LCORL: variants seen among roughly 807,000 people sequenced by gnomAD.
LCORL encodes the protein ligand dependent nuclear receptor corepressor like, also known as ligand-dependent nuclear receptor corepressor-like protein.
A neutral mutation model predicts 141.8 loss-of-function variants in LCORL; 41 were observed. The observed-to-expected ratio is 0.29, with a 90% confidence interval of 0.23 to 0.38. The LOEUF is 0.38. LCORL is among the 10% of genes least tolerant of loss of function. The probability of loss-of-function intolerance (pLI) is 1.00; values close to 1 mark genes in which losing one functional copy is unlikely to be tolerated. For missense variants in LCORL, 1,759 were observed against 2,035.0 expected (o/e 0.86, Z 2.61); for synonymous variants, 618 against 694.1 (o/e 0.89, Z 1.72).
At chr4:17,862,319 T>G (rs1725106216) in intron 7 of LCORL, among the ~76,000 whole-genome samples, 1 of 152,176 alleles carries the variant, frequency 6.6e-6, no homozygotes. Flanking sequence ...GCAGGAAAAC[T>G]TCCCCTTATA....
chr4:18,012,747 T>C (rs1044958215), intron 1 of LCORL, among the ~76,000 whole-genome samples: 4 of 152,210 alleles, frequency 2.6e-5, no homozygotes, highest in Non-Finnish European at 4.4e-5. Context: ...CTTTATCTAA[T>C]ATATTTGCCT....
exon 7 of LCORL, chr4:17,874,157 T>C: frequency 4.1e-6 from 5 of 1,233,976 alleles, no homozygotes; most frequent in Non-Finnish European, 5.1e-6. Context: ...TGTGCAGCTT[T>C]CCCTCTCTTT....
chr4:17,907,707 C>T lies in LCORL; in HGVS notation c.682+1387G>A, dbSNP rs183054216. On this transcript the variant is annotated intron_variant, in intron 5 of 7. Transcript: ENST00000635767. ...ATATCATAAAAATAACACAGGGAAC[C>T]CCCCCACCGGCTTTTTAAAGCTCAT... Among the ~76,000 whole-genome samples, 19 of 152,098 alleles carry T rather than the reference C, an allele frequency of 1.2e-4. No homozygotes were observed. In the East Asian group the frequency reaches 3.7e-3, roughly 29 times the overall value.
At chr4:17,920,338 CAG>C (rs1734089190) in intron 4 of LCORL, among the ~76,000 whole-genome samples, 1 of 152,206 alleles carries the variant, frequency 6.6e-6, no homozygotes, top group Non-Finnish European at 1.5e-5. Flanking sequence ...CAGACATTGA[CAG>C]AGTTTTTCCT....
rs370269266 is a variant in LCORL at position 17,850,770 on chromosome 4, A to G, written c.5603-4869T>C. On this transcript the variant is annotated intron_variant, in intron 7 of 7. Transcript: ENST00000635767. ...AAATACCATTTGACCCAGCCATCCCATTACTGGATATATACCCAAAGGATT... is the reference window on the plus strand; with the variant it reads ...AAATACCATTTGACCCAGCCATCCCGTTACTGGATATATACCCAAAGGATT... 2.0e-5 allele frequency among the ~76,000 whole-genome samples: 3 copies of G among 152,066 alleles called. No individual in the cohort carries two copies. In the East Asian group the frequency reaches 5.8e-4, roughly 29 times the overall value.
intron 1 of LCORL, among the ~76,000 whole-genome samples, chr4:17,987,805 A>G (rs538903473): frequency 1.3e-5 from 2 of 152,174 alleles, no homozygotes; most frequent in East Asian, 3.9e-4. Flanking sequence ...TGTCTATTCA[A>G]ATTTTTTGCC....
intron 1 of LCORL, among the ~76,000 whole-genome samples, chr4:18,000,635 T>A (rs1236294499): frequency 5.3e-5 from 8 of 152,188 alleles, no homozygotes; most frequent in Non-Finnish European, 7.4e-5. Flanking sequence ...ATGAATTACA[T>A]AAAATACTGA....
chr4:17,901,108 A>T (rs546980109), intron 5 of LCORL, among the ~76,000 whole-genome samples: 1 of 152,160 alleles, frequency 6.6e-6, no homozygotes, highest in Non-Finnish European at 1.5e-5. Context: ...AGGACAGAAC[A>T]TTATTCTAGT....
intron 1 of LCORL, among the ~76,000 whole-genome samples, chr4:18,016,853 T>G (rs552967140): frequency 1.3e-5 from 2 of 152,276 alleles, no homozygotes; most frequent in South Asian, 4.1e-4. Context: ...TTTGTCATTC[T>G]GTTTTGCTGC....
chr4:18,021,701 GGCGGCAGCAGCGGCGGCGGCA>G lies in LCORL; in HGVS notation c.30_50del (p.Ala16_Ala22del), dbSNP rs777073080. 66 of 1,529,498 alleles carry G rather than the reference GGCGGCAGCAGCGGCGGCGGCA, an allele frequency of 4.3e-5. No individual in the cohort carries two copies. The highest frequency in any genetic ancestry group is 1.8e-4 in the Middle Eastern group (1 of 5,682). The allele number at this position is 1,529,498 out of a possible 1,614,324, so 94.7% of individuals were successfully genotyped here. On this transcript the variant is annotated inframe_deletion, in exon 1 of 8. Coordinates refer to ENST00000635767, the Ensembl canonical transcript of LCORL. The surrounding 1 kb of genome is among the most constrained non-coding windows in gnomAD (Gnocchi z 5.5). ...TCCGGCACTGAGCGGCGGCGGCGGC[GGCGGCAGCAGCGGCGGCGGCA>G]GCGGCCATTCTCTCTCTTCCCTTGT...
rs1022577166 is a variant in LCORL at position 17,980,911 on chromosome 4, G to A, written c.155-8026C>T. ...GAATCTAATGCCTAACGATCTGAGGGGGAACAGGTTCATCCCAAAACCATG... is the reference window on the plus strand; with the variant it reads ...GAATCTAATGCCTAACGATCTGAGGAGGAACAGGTTCATCCCAAAACCATG... On this transcript the variant is annotated intron_variant, in intron 1 of 7. Coordinates refer to ENST00000635767, the Ensembl canonical transcript of LCORL. 7.9e-5 allele frequency among the ~76,000 whole-genome samples: 12 copies of A among 152,234 alleles called. No homozygotes were observed. The East Asian group carries it at 2.1e-3, about 27-fold the overall frequency.
chr4:17,929,730 A>C (rs1735706081), intron 4 of LCORL, among the ~76,000 whole-genome samples: 1 of 152,178 alleles, frequency 6.6e-6, no homozygotes, highest in Non-Finnish European at 1.5e-5. Flanking sequence ...CTGACACTAA[A>C]AGCACAAACA....
rs1289864310 is a variant in LCORL, at chr4:17,908,799, T to C, written c.682+295A>G. Among the ~76,000 whole-genome samples, 3 of 152,154 alleles carry C rather than the reference T, an allele frequency of 2.0e-5. No individual in the cohort carries two copies. In the East Asian group the frequency reaches 5.8e-4, roughly 29 times the overall value. Reference sequence around the variant, plus strand: ...CAGCTTTCCACTATAAAAATAATTATTTCTTATAAAAATCTATTTATATCC... The same window carrying C: ...CAGCTTTCCACTATAAAAATAATTACTTCTTATAAAAATCTATTTATATCC... On this transcript the variant is annotated intron_variant, in intron 5 of 7. Transcript: ENST00000635767.
chr4:17,924,301 C>T (rs1577435179), intron 4 of LCORL, among the ~76,000 whole-genome samples: 2 of 152,216 alleles, frequency 1.3e-5, no homozygotes, highest in East Asian at 3.9e-4. Context: ...TCCTCAGCCA[C>T]CCATGTCATC....
At chr4:17,841,923 A>T (rs951542519) in exon 8 of LCORL, 1 of 162,240 alleles carries the variant, frequency 6.2e-6, no homozygotes, top group Non-Finnish European at 1.3e-5. Context: ...TTATGCACCT[A>T]ACCTACCTTT....
intron 1 of LCORL, among the ~76,000 whole-genome samples, chr4:17,992,756 C>T (rs540264221): frequency 2.6e-5 from 4 of 152,136 alleles, no homozygotes; most frequent in East Asian, 1.9e-4. Flanking sequence ...AGTACTCAGA[C>T]GATAAATCCA....
chr4:17,946,096 T>C (rs961108799), intron 4 of LCORL, among the ~76,000 whole-genome samples: 1 of 151,992 alleles, frequency 6.6e-6, no homozygotes, highest in Non-Finnish European at 1.5e-5. Flanking sequence ...AAACTGCATA[T>C]GTAAACATCA....
chr4:17,912,808 C>A, intron 4 of LCORL: 1 of 432,460 alleles, frequency 2.3e-6, no homozygotes, highest in South Asian at 1.8e-5. Context: ...ACATCAAGGT[C>A]AAGCTGGAGG....
intron 1 of LCORL, among the ~76,000 whole-genome samples, chr4:17,998,694 A>G (rs1721298449): frequency 6.6e-6 from 1 of 151,892 alleles, no homozygotes; most frequent in African/African-American, 2.4e-5. Flanking sequence ...ATGTTCGGAC[A>G]TGGTGTTCAT....
Sources: gnomAD v4.1 joint callset for allele counts (sites outside exome capture counted in the v4.1 genomes callset) on GRCh38, gnomAD v4.1.1 for gene constraint, Gnocchi (gnomAD v3.1) non-coding constraint, MANE v1.5 for transcripts, NCBI Gene and HGNC (gene_info 2026-07-23, HGNC 2026-07-21) for gene names.